The following PAICS variants were observed in gnomAD, a reference collection of about 807,000 sequenced individuals.
PAICS encodes bifunctional phosphoribosylaminoimidazole carboxylase/phosphoribosylaminoimidazole succinocarboxamide synthetase.
Under a neutral mutation model 53.7 loss-of-function variants are expected in PAICS, and 33 were observed. The ratio of observed to expected loss-of-function variants is 0.61; its 90% confidence interval spans 0.47 to 0.82. The LOEUF (loss-of-function observed/expected upper bound fraction) is 0.82. Among genes scored for constraint, PAICS ranks in the 40% least tolerant of loss-of-function variants. PAICS has a pLI of 0.00. For synonymous variants in PAICS, 141 were observed against 167.2 expected, an observed-to-expected ratio of 0.84 and a Z score of 1.21; for missense variants, 394 against 494.1, an observed-to-expected ratio of 0.80 and a Z score of 1.92.
the PAICS span, among the ~76,000 whole-genome samples, chr4:56,425,866 C>T: frequency 3.3e-5 from 5 of 152,158 alleles, no homozygotes. Context: ...TTGGAAGCTC[C>T]GTACAATGCA....
the PAICS span, chr4:56,422,540 T>A: frequency 1.6e-4 from 24 of 150,702 alleles, no homozygotes; most frequent in Non-Finnish European, 3.1e-4. Flanking sequence ...CATAAAATGC[T>A]ATTATAAGAC....
At chr4:56,416,069 CAAAA>C in the PAICS span, among the ~76,000 whole-genome samples, 8 of 139,476 alleles carry the variant, frequency 5.7e-5, no homozygotes, top group Middle Eastern at 3.7e-3. Flanking sequence ...GACTCTGTCT[CAAAA>C]AAAAAAAAAA....
intron 8 of PAICS, among the ~76,000 whole-genome samples, chr4:56,456,728 A>C (rs1209866381): frequency 7.0e-6 from 1 of 143,754 alleles, no homozygotes; most frequent in African/African-American, 2.6e-5. Context: ...TTTTTTACAC[A>C]ATGTTTTTAT....
chr4:56,438,801 G>C (rs2110080282), intron 1 of PAICS, among the ~76,000 whole-genome samples: 1 of 152,134 alleles, frequency 6.6e-6, no homozygotes, highest in Non-Finnish European at 1.5e-5. Context: ...AAATTCTTTA[G>C]ATATTTTACA....
chr4:56,417,163 A>G, the PAICS span, among the ~76,000 whole-genome samples: 2 of 152,174 alleles, frequency 1.3e-5, no homozygotes. Context: ...CTAATTTCTT[A>G]TTGAAGCTAG....
intron 8 of PAICS, among the ~76,000 whole-genome samples, chr4:56,457,856 T>C (rs1379473417): frequency 6.6e-6 from 1 of 152,096 alleles, no homozygotes; most frequent in Non-Finnish European, 1.5e-5. Context: ...TAGCTACCAC[T>C]GTGTTTGCCT....
At chr4:56,446,209 CAATGTTGT>C in intron 2 of PAICS, 1 of 489,170 alleles carries the variant, frequency 2.0e-6, no homozygotes. Context: ...TGTGCATTCA[CAATGTTGT>C]ACATTCATCC....
chr4:56,441,693 G>C lies in PAICS; in HGVS notation c.47G>C (p.Gly16Ala). The change falls in exon 2 of 9, where the codon GGT (glycine) becomes GCT (alanine). Residue 16 changes from glycine to alanine, a missense_variant. Coordinates refer to ENST00000512576, the MANE Select transcript of PAICS (RefSeq NM_001079524.2). Reference sequence around the variant, plus strand: ...AACATTGGTAAAAAATTATATGAGGGTAAAACAAAAGAAGTCTACGAATTG... The same window carrying C: ...AACATTGGTAAAAAATTATATGAGGCTAAAACAAAAGAAGTCTACGAATTG... ...VLNIGKKLYE[G>A]KTKEVYELLD... 6.3e-7 allele frequency: 1 copy of C among 1,591,886 alleles called. No homozygotes were observed. The highest frequency in any genetic ancestry group is 8.5e-7 in the Non-Finnish European group (1 of 1,170,030).
the PAICS span, among the ~76,000 whole-genome samples, chr4:56,427,001 C>T: frequency 2.0e-5 from 3 of 152,164 alleles, no homozygotes; most frequent in African/African-American, 7.2e-5. Context: ...ATACAATATT[C>T]GTCCATTTGT....
chr4:56,436,247 A>T, upstream of PAICS: 1 of 1,558,948 alleles, frequency 6.4e-7, no homozygotes, highest in Non-Finnish European at 8.7e-7. Context: ...CTCTCTGACC[A>T]CCCCTCTTTT....
rs960576925 is a variant in PAICS, at chr4:56,463,178, C to T, written c.*3640C>T. 1 of 152,076 alleles carries T rather than the reference C, an allele frequency of 6.6e-6. No homozygotes were observed. 9.4% of individuals were successfully genotyped at this position (152,076 alleles called of 1,614,324 possible). A position where few individuals can be genotyped will look rare whatever the true frequency, so the allele number is the denominator to read the frequency against. On this transcript the variant is annotated 3_prime_UTR_variant, in exon 9 of 9. Coordinates refer to ENST00000512576, the MANE Select transcript of PAICS (RefSeq NM_001079524.2). The stretch of plus-strand genomic sequence containing the variant: ...GTTGTTTTTAATGGTGTTTTTACAT[C>T]CAGCTTCCCACACCTCAAATACTTG...
the PAICS span, among the ~76,000 whole-genome samples, chr4:56,419,094 G>T: frequency 6.6e-6 from 1 of 152,160 alleles, no homozygotes; most frequent in East Asian, 1.9e-4. Flanking sequence ...ACAGTCTGGG[G>T]ATGAGGGATG....
the PAICS span, among the ~76,000 whole-genome samples, chr4:56,426,227 C>T: frequency 1.3e-5 from 2 of 152,040 alleles, no homozygotes; most frequent in Non-Finnish European, 2.9e-5. Flanking sequence ...ATGGTGAAAC[C>T]CCATCTCTAC....
chr4:56,419,469 C>T, the PAICS span: 59,802 of 161,784 alleles, frequency 0.37, 11,527 homozygotes, highest in Non-Finnish European at 0.44. Context: ...TTTTGTTTCC[C>T]CACTGTTTAA....
rs1342702822 is a variant in PAICS, at chr4:56,461,574, AG to A, written c.*2037del. 1.3e-5 allele frequency: 2 copies of A among 151,302 alleles called. No homozygotes were observed. Among genetic ancestry groups the A allele is most frequent in the African/African-American group, 2.4e-5 (1 of 41,100 alleles). The allele number at this position is 151,302 out of a possible 1,614,324, so 9.4% of individuals were successfully genotyped here. A position where few individuals can be genotyped will look rare whatever the true frequency, so the allele number is the denominator to read the frequency against. On this transcript the variant is annotated 3_prime_UTR_variant, in exon 9 of 9. Coordinates refer to ENST00000512576, the MANE Select transcript of PAICS (RefSeq NM_001079524.2). ...AAGTTCTCACTGTCTCCCAGGCTGG[AG>A]TGCAGTGGCATGATTATGGCTCCCT...
upstream of PAICS, among the ~76,000 whole-genome samples, chr4:56,434,999 T>C (rs770025648): frequency 1.3e-5 from 2 of 152,058 alleles, no homozygotes; most frequent in Non-Finnish European, 2.9e-5. Flanking sequence ...TCCGGGAGAC[T>C]AGAACCCGCC....
chr4:56,450,312 C>T (rs557043356), intron 5 of PAICS, among the ~76,000 whole-genome samples: 2 of 152,112 alleles, frequency 1.3e-5, no homozygotes, highest in Non-Finnish European at 2.9e-5. Flanking sequence ...ACATTCTGCA[C>T]ATGTATTTAA....
chr4:56,450,575 A>G, intron 5 of PAICS, 44 bp from the exon 6 acceptor site: 1 of 1,015,856 alleles, frequency 9.8e-7, no homozygotes. Context: ...AGTTTCAGGT[A>G]GCAAGAGATA....
chr4:56,414,533 G>A, the PAICS span, among the ~76,000 whole-genome samples: 2 of 152,102 alleles, frequency 1.3e-5, no homozygotes, highest in African/African-American at 4.8e-5. Flanking sequence ...CAAATGTATC[G>A]CAAGTAATGA....
Sources: allele counts gnomAD v4.1 joint callset (sites outside exome capture counted in the v4.1 genomes callset), GRCh38; gene constraint gnomAD v4.1.1; transcripts MANE v1.5; gene names NCBI Gene and HGNC (gene_info 2026-07-23, HGNC 2026-07-21).